The following ZNF676 variants were observed in gnomAD, a reference collection of about 807,000 sequenced individuals.
ZNF676 encodes the protein zinc finger protein 676.
ZNF676 carries 4 observed loss-of-function variants against 6.0 expected under a neutral mutation model. That is an observed-to-expected ratio of 0.67 (90% confidence interval 0.33 to 1.53). ZNF676 has a LOEUF of 1.53. ZNF676 is among the 40% of genes most tolerant of loss of function. ZNF676 has a pLI of 0.06. For missense variants in ZNF676, 644 were observed against 679.7 expected, an observed-to-expected ratio of 0.95 and a Z score of 0.58; for synonymous variants, 198 against 223.1, an observed-to-expected ratio of 0.89 and a Z score of 1.00.
the ZNF676 span, among the ~76,000 whole-genome samples, chr19:22,241,325 A>G: frequency 6.6e-6 from 1 of 152,078 alleles, no homozygotes; most frequent in South Asian, 2.1e-4. Context: ...CACAATTTCA[A>G]CAATGGGCTG....
the ZNF676 span, among the ~76,000 whole-genome samples, chr19:22,247,910 C>A: frequency 2.0e-5 from 3 of 147,080 alleles, no homozygotes; most frequent in African/African-American, 7.6e-5. Context: ...CCCTACCCCA[C>A]AACAGGCCCC....
At chr19:22,206,951 T>G (rs1001826785) in intron 1 of ZNF676, among the ~76,000 whole-genome samples, 1 of 152,138 alleles carries the variant, frequency 6.6e-6, no homozygotes, top group Non-Finnish European at 1.5e-5. Context: ...CATGTCAAAA[T>G]AGTAAGTTAT....
the ZNF676 span, among the ~76,000 whole-genome samples, chr19:22,249,097 A>AT: frequency 1.2e-4 from 18 of 152,014 alleles, no homozygotes; most frequent in Admixed American, 4.6e-4. Flanking sequence ...CTTAAGTCTA[A>AT]TTTTTTTTCA....
rs769862523 is a variant in ZNF676 at position 22,181,289 on chromosome 19, C to T, written c.428G>A (p.Cys143Tyr). 1.2e-5 allele frequency: 19 copies of T among 1,613,648 alleles called. No homozygotes were observed. The highest frequency in any genetic ancestry group is 2.2e-5 in the East Asian group (1 of 44,850). Residue 143 changes from cysteine (C) to tyrosine (Y), a missense_variant, in exon 3 of 3, where the codon TGT (cysteine) becomes TAT (tyrosine). By Grantham distance (194) the Cys-to-Tyr change is radical (BLOSUM62 -2). Around this residue, in one of 5 missense-constraint regions of ZNF676, gnomAD observed 280 missense variants for 269.3 expected, o/e 1.04. Transcript: ENST00000397121. Reference sequence around the variant, plus strand: ...GCAAAATGATCTGACATATTCTTTACATTTCAAACCTTTCTCTCCAGTATG... The same window carrying T: ...GCAAAATGATCTGACATATTCTTTATATTTCAAACCTTTCTCTCCAGTATG... The part of the protein sequence containing the change: ...IRHTGEKGLK[C>Y]KEYVRSFCML...
chr19:22,259,115 A>AGTAACAG, the ZNF676 span, among the ~76,000 whole-genome samples: 3 of 152,202 alleles, frequency 2.0e-5, no homozygotes, highest in Non-Finnish European at 2.9e-5. Context: ...ATTCACTGCC[A>AGTAACAG]GTAACAGGTA....
chr19:22,193,032 C>T lies in ZNF676; in HGVS notation c.114G>A (p.Met38Ile), dbSNP rs773887256. Residue 38 changes from methionine (M) to isoleucine (I), a missense_variant, in exon 2 of 3, where the codon ATG becomes ATA. This residue lies in a region of ZNF676 where 280 missense variants were observed against 269.3 expected (regional missense o/e 1.04). Coordinates refer to ENST00000397121, the MANE Select transcript of ZNF676 (RefSeq NM_001001411.3). ...CTCACCTACCTGGGGGTTCTTCCAC[C>T]ATCTCATGTCTCTTCATATTCCAGG... ...KEPWNMKRHE[M>I]VEEPPVICSH... is the part of the protein sequence containing the mutation. The T allele has an allele frequency of 8.7e-6, 14 of 1,606,848 alleles. No homozygotes were observed. The South Asian group carries it at 1.0e-4, about 12-fold the overall frequency.
the ZNF676 span, among the ~76,000 whole-genome samples, chr19:22,225,638 G>A: frequency 3.5e-4 from 53 of 152,158 alleles, no homozygotes; most frequent in African/African-American, 1.2e-3. Context: ...GATAGTGGCC[G>A]TTCCAATGGG....
the ZNF676 span, among the ~76,000 whole-genome samples, chr19:22,222,641 T>A: frequency 1.4e-5 from 2 of 145,864 alleles, no homozygotes; most frequent in African/African-American, 5.2e-5. Flanking sequence ...CAAGTTTATA[T>A]AAACTGGTTA....
chr19:22,251,195 T>C, the ZNF676 span, among the ~76,000 whole-genome samples: 3 of 152,252 alleles, frequency 2.0e-5, no homozygotes, highest in African/African-American at 7.2e-5. Context: ...TTTAAAAACC[T>C]ATGTGAAAAA....
the ZNF676 span, among the ~76,000 whole-genome samples, chr19:22,238,773 TG>T: frequency 6.6e-6 from 1 of 152,148 alleles, no homozygotes; most frequent in South Asian, 2.1e-4. Context: ...CTGAAGAACT[TG>T]GAGTCTGATG....
chr19:22,209,390 T>A (rs566294649), intron 1 of ZNF676, among the ~76,000 whole-genome samples: 1 of 150,716 alleles, frequency 6.6e-6, no homozygotes, highest in East Asian at 1.9e-4. Context: ...TCACTATTCT[T>A]AGAAAACTGA....
the ZNF676 span, among the ~76,000 whole-genome samples, chr19:22,229,178 G>A: frequency 6.6e-6 from 1 of 152,034 alleles, no homozygotes; most frequent in African/African-American, 2.4e-5. Context: ...ACAGAACAGA[G>A]GCCTCAGAAA....
intron 1 of ZNF676, chr19:22,203,688 G>A (rs1247900050): frequency 6.6e-6 from 1 of 151,964 alleles, no homozygotes; most frequent in Non-Finnish European, 1.5e-5. Flanking sequence ...TCTGCCTCCT[G>A]GGCTCAAGCG....
the ZNF676 span, chr19:22,243,429 T>A: frequency 1.3e-5 from 2 of 151,944 alleles, no homozygotes; most frequent in South Asian, 4.1e-4. Context: ...TGAGCAGAAA[T>A]TGGTAGAAGA....
At chr19:22,210,245 A>T (rs2024115731) in intron 1 of ZNF676, among the ~76,000 whole-genome samples, 1 of 152,158 alleles carries the variant, frequency 6.6e-6, no homozygotes, top group Non-Finnish European at 1.5e-5. Flanking sequence ...ATTCTCCAAC[A>T]GCAACTCATT....
intron 1 of ZNF676, among the ~76,000 whole-genome samples, chr19:22,211,972 GGT>G (rs2024133024): frequency 6.6e-6 from 1 of 151,958 alleles, no homozygotes; most frequent in South Asian, 2.1e-4. Context: ...GGCCGAGGCA[GGT>G]GGATCATGAG....
At chr19:22,253,331 G>A in the ZNF676 span, among the ~76,000 whole-genome samples, 1 of 146,580 alleles carries the variant, frequency 6.8e-6, no homozygotes, top group African/African-American at 2.5e-5. Flanking sequence ...TATCACCTGA[G>A]GGATATGTAT....
the ZNF676 span, among the ~76,000 whole-genome samples, chr19:22,253,114 T>G: frequency 6.6e-6 from 1 of 152,198 alleles, no homozygotes; most frequent in Non-Finnish European, 1.5e-5. Context: ...ATATGCTGGA[T>G]CTTGGTCTTA....
upstream of ZNF676, among the ~76,000 whole-genome samples, chr19:22,219,144 G>A (rs2024224306): frequency 6.6e-6 from 1 of 151,214 alleles, no homozygotes; most frequent in Admixed American, 6.6e-5. Context: ...TGTCACCCAG[G>A]CTGGAGTGCA....
Sources: allele counts gnomAD v4.1 joint callset (sites outside exome capture counted in the v4.1 genomes callset), GRCh38; gene constraint gnomAD v4.1.1; regional missense constraint gnomAD v4.1.1; transcripts MANE v1.5; gene names NCBI Gene and HGNC (gene_info 2026-07-23, HGNC 2026-07-21).